ADAMTS1: variants seen among roughly 807,000 people sequenced by gnomAD.
The protein encoded by ADAMTS1 is ADAM metallopeptidase with thrombospondin type 1 motif 1, also known as A disintegrin and metalloproteinase with thrombospondin motifs 1.
A neutral mutation model predicts 87.9 loss-of-function variants in ADAMTS1; 19 were observed. The ratio of observed to expected loss-of-function variants is 0.22; its 90% CI spans 0.15 to 0.32. The LOEUF (loss-of-function observed/expected upper bound fraction) is 0.32. ADAMTS1 is among the 10% of genes least tolerant of loss of function. The pLI, the probability that ADAMTS1 is intolerant of heterozygous loss-of-function variation, is 1.00. For synonymous variants in ADAMTS1, 542 were observed against 501.8 expected, an observed-to-expected ratio of 1.08 and a Z score of -1.07; for missense variants, 1,240 against 1,259.1, an observed-to-expected ratio of 0.98 and a Z score of 0.23.
Position 26,839,698 on chromosome 21 carries a change from A to T in ADAMTS1, c.1917T>A (p.Ser639Arg). ...TGGGAATCCATTCCACCGCAGGCCC[A>T]CTCCCAAAGGAAGCTTTTGAAAACT... ...HNEFSKASFG[S>R]GPAVEWIPKY... Residue 639 changes from serine to arginine, a missense_variant, in exon 7 of 9, where the codon AGT becomes AGA. By Grantham distance (110) the Ser-to-Arg change is moderately radical (BLOSUM62 -1). Coordinates refer to ENST00000284984, the MANE Select transcript of ADAMTS1 (RefSeq NM_006988.5). 6.2e-7 allele frequency: 1 copy of T among 1,613,566 alleles called. No homozygotes were observed. Among genetic ancestry groups the T allele is most frequent in the Non-Finnish European group, 8.5e-7 (1 of 1,179,576 alleles).
chr21:26,840,907 TA>T, intron 4 of ADAMTS1, 90 bp downstream of exon 4: 1 of 1,439,038 alleles, frequency 6.9e-7, no homozygotes, highest in Admixed American at 2.1e-5. Context: ...GTGGGGAAAA[TA>T]AAAAGAACAA....
rs758579925 is a variant in ADAMTS1 at position 26,838,283 on chromosome 21, A to G, written c.2205-5T>C. 2 of 1,596,476 alleles carry G rather than the reference A, an allele frequency of 1.3e-6. No individual in the cohort carries two copies. Among genetic ancestry groups the G allele is most frequent in the Non-Finnish European group, 1.7e-6 (2 of 1,169,874 alleles). On this transcript the variant is annotated splice_region_variant and splice_polypyrimidine_tract_variant and intron_variant, in intron 8 of 8. Coordinates refer to ENST00000284984, the MANE Select transcript of ADAMTS1 (RefSeq NM_006988.5). Reference sequence around the variant, plus strand: ...ATGATATCATGATATCCAGGTCTGCAGGTGACAAAAACAGGCATAAATCTC... The same window carrying G: ...ATGATATCATGATATCCAGGTCTGCGGGTGACAAAAACAGGCATAAATCTC...
chr21:26,844,348 C>T lies in ADAMTS1; in HGVS notation c.607G>A (p.Asp203Asn), dbSNP rs761295261. The change falls in exon 1 of 9, where the codon GAC becomes AAC. Residue 203 changes from aspartate (D) to asparagine (N), a missense_variant. By Grantham distance (23) the Asp-to-Asn change is conservative. This residue lies in a region of ADAMTS1 where 521 missense variants were observed against 449.7 expected (regional missense o/e 1.16). Transcript: ENST00000284984. The part of the protein sequence containing the change: ...DVGGTCGVVD[D>N]EPRPTGKAET... ...GCTTTCCCAGTCGGCCGGGGCTCGT[C>T]GTCCACGACCCCGCACGTGCCGCCG... 1.2e-6 allele frequency: 2 copies of T among 1,603,602 alleles called. No homozygotes were observed. Among genetic ancestry groups the T allele is most frequent in the East Asian group, 4.5e-5 (2 of 44,150 alleles).
chr21:26,838,625 G>A lies in ADAMTS1; in HGVS notation c.2029-11C>T. The A allele has an allele frequency of 3.7e-6, 6 of 1,612,420 alleles. No individual in the cohort carries two copies. Among genetic ancestry groups the A allele is most frequent in the Non-Finnish European group, 3.4e-6 (4 of 1,179,266 alleles). On this transcript the variant is annotated splice_polypyrimidine_tract_variant and intron_variant, in intron 7 of 8. Coordinates refer to ENST00000284984, the MANE Select transcript of ADAMTS1 (RefSeq NM_006988.5). ...AGTACCATCTACAACCTGAAAAAAG[G>A]ACACATGTCTAGTGTTACATACAAG...
rs1223998811 is a variant in ADAMTS1, at chr21:26,836,936, C to A, written c.*643G>T. The stretch of plus-strand genomic sequence containing the variant: ...TGTTTTTTCCTCAAAATGAATTACA[C>A]AAATAAAGACTGAGATGGTCCAAAA... On this transcript the variant is annotated 3_prime_UTR_variant, in exon 9 of 9. Coordinates refer to ENST00000284984, the MANE Select transcript of ADAMTS1 (RefSeq NM_006988.5). 6.6e-6 allele frequency: 1 copy of A among 152,068 alleles called. No individual in the cohort carries two copies. The highest frequency in any genetic ancestry group is 1.5e-5 in the Non-Finnish European group (1 of 68,050). 9.4% of individuals were successfully genotyped at this position (152,068 alleles called of 1,614,324 possible).
intron 1 of ADAMTS1, chr21:26,842,920 T>C (rs973292854): frequency 1.9e-6 from 1 of 538,640 alleles, no homozygotes; most frequent in Non-Finnish European, 3.3e-6. Flanking sequence ...TTTCTGTGTG[T>C]GAGCAGGATT....
rs570365206 is a variant in ADAMTS1, at chr21:26,837,823, T to C, written c.2660A>G (p.Gln887Arg). 2.5e-6 allele frequency: 4 copies of C among 1,614,098 alleles called. No homozygotes were observed. The African/African-American group carries it at 5.3e-5, about 22-fold the overall frequency. ...RLVECRDING[Q>R]PASECAKEVK... ...TTCCTTTGCACACTCGGAAGCAGGCTGTCCATTAATGTCTCGGCATTCTAC... is the reference window on the plus strand; with the variant it reads ...TTCCTTTGCACACTCGGAAGCAGGCCGTCCATTAATGTCTCGGCATTCTAC... Residue 887 changes from glutamine (Q) to arginine (R), a missense_variant, in exon 9 of 9, where the codon CAG becomes CGG. Around this residue, in one of 3 missense-constraint regions of ADAMTS1, gnomAD observed 402 missense variants for 399.1 expected, o/e 1.01. Transcript: ENST00000284984.
At chr21:26,840,179 C>A in intron 5 of ADAMTS1, 97 bp downstream of exon 5, 3 of 1,557,132 alleles carry the variant, frequency 1.9e-6, no homozygotes, top group South Asian at 2.5e-5. Context: ...CGCATTCCTG[C>A]TAGAGGACAC....
rs1297290982 is a variant in ADAMTS1, at chr21:26,837,307, A to G, written c.*272T>C. ...TTTCTAAACTTGTAATAGATGTAAC[A>G]AAAGAAATAATAATAATAATGCCCG... is the stretch of plus-strand genomic sequence containing the variant. On this transcript the variant is annotated 3_prime_UTR_variant, in exon 9 of 9. Transcript: ENST00000284984. The G allele has an allele frequency of 2.8e-6, 1 of 356,314 alleles. No individual in the cohort carries two copies. Among genetic ancestry groups the G allele is most frequent in the African/African-American group, 2.0e-5 (1 of 49,462 alleles). 22.1% of individuals were successfully genotyped at this position (356,314 alleles called of 1,614,324 possible).
chr21:26,838,774 T>G (rs1291963702), intron 7 of ADAMTS1, 160 bp from the exon 8 acceptor site: 1 of 660,376 alleles, frequency 1.5e-6, no homozygotes, highest in African/African-American at 1.8e-5. Flanking sequence ...CACTTTGGCA[T>G]ATTTTTCAGT....
chr21:26,843,893 T>C, intron 1 of ADAMTS1: 1 of 476,968 alleles, frequency 2.1e-6, no homozygotes, highest in Non-Finnish European at 4.0e-6. Flanking sequence ...ATACACAGAG[T>C]GGAAAGAACT....
At chr21:26,840,806 C>T (rs1985477855) in intron 4 of ADAMTS1, among the ~76,000 whole-genome samples, 192 bp downstream of exon 4, 1 of 152,118 alleles carries the variant, frequency 6.6e-6, no homozygotes, top group African/African-American at 2.4e-5. Flanking sequence ...AATGAATGGG[C>T]TTTGGGAGCT....
At chr21:26,842,255 G>T in intron 2 of ADAMTS1, 84 bp downstream of exon 2, 1 of 1,339,334 alleles carries the variant, frequency 7.5e-7, no homozygotes, top group Non-Finnish European at 1.0e-6. Flanking sequence ...CAAAAACACT[G>T]GTGAAATGCC....
chr21:26,843,616 A>G, intron 1 of ADAMTS1: 1 of 462,118 alleles, frequency 2.2e-6, no homozygotes, highest in South Asian at 1.6e-5. Flanking sequence ...CAAACCCGGG[A>G]AAGACCTCCC....
Position 26,844,691 on chromosome 21 carries a change from C to T in ADAMTS1, c.264G>A (p.Glu88=), listed in dbSNP as rs763734894. 1.9e-6 allele frequency: 3 copies of T among 1,593,956 alleles called. No individual in the cohort carries two copies. The highest frequency in any genetic ancestry group is 3.5e-5 in the Admixed American group (2 of 56,736). The change falls in exon 1 of 9, where the codon GAG becomes GAA. Residue 88 remains glutamate (E), a synonymous_variant. Transcript: ENST00000284984. ...CCAAAAAGCTGCTGTCGGGCCGCAG[C>T]TCCAGATCCAGCTGCTGGTCAAAGG... ...LHAFDQQLDL[E]LRPDSSFLAP...
In ADAMTS1 at chr21:26,842,600, T is replaced by C; in HGVS notation, c.816A>G (p.Glu272=). Residue 272 remains glutamate (E), a synonymous_variant, in exon 2 of 9, where the codon GAA becomes GAG. Coordinates refer to ENST00000284984, the MANE Select transcript of ADAMTS1 (RefSeq NM_006988.5). ...AATGCTTTAGACCACTGCCGTGGAA[T>C]TCTGCCATCGACTGGTCTGCCACAA... ...TMLVADQSMA[E]FHGSGLKHYL... 3.7e-6 allele frequency: 6 copies of C among 1,614,076 alleles called. No individual in the cohort carries two copies. The highest frequency in any genetic ancestry group is 4.2e-6 in the Non-Finnish European group (5 of 1,180,006).
Position 26,840,372 on chromosome 21 carries a change from G to T in ADAMTS1, c.1569C>A (p.Thr523=). The change falls in exon 5 of 9, where the codon ACC becomes ACA. Residue 523 remains threonine, a synonymous_variant. Coordinates refer to ENST00000284984, the MANE Select transcript of ADAMTS1 (RefSeq NM_006988.5). ...GTSGGVLVCQ[T]KHFPWADGTS... is the part of the protein sequence containing the mutation. ...TGCCATCCGCCCACGGGAAGTGTTT[G>T]GTTTGACACACCAGCACCCCACCAG... The T allele has an allele frequency of 6.2e-7, 1 of 1,614,176 alleles. No homozygotes were observed. The highest frequency in any genetic ancestry group is 8.5e-7 in the Non-Finnish European group (1 of 1,180,038).
intron 7 of ADAMTS1, 33 bp from the exon 8 acceptor site, chr21:26,838,647 C>A (rs1985429024): frequency 2.5e-6 from 4 of 1,597,812 alleles, no homozygotes; most frequent in East Asian, 2.2e-5. Context: ...GTGTTACATA[C>A]AAGCAAAGGA....
chr21:26,843,569 T>C (rs1985541584), intron 1 of ADAMTS1: 1 of 467,720 alleles, frequency 2.1e-6, no homozygotes, highest in South Asian at 1.6e-5. Context: ...AGAGCAGAAT[T>C]ATGGCCGCGA....
Sources: gnomAD v4.1 joint callset for allele counts (sites outside exome capture counted in the v4.1 genomes callset) on GRCh38, gnomAD v4.1.1 for gene constraint, gnomAD v4.1.1 regional missense constraint, MANE v1.5 for transcripts, NCBI Gene and HGNC (gene_info 2026-07-23, HGNC 2026-07-21) for gene names.